Variants in PRDM6 observed in about 807,000 individuals in gnomAD.
PRDM6 encodes putative histone-lysine N-methyltransferase PRDM6.
A neutral mutation model predicts 60.8 loss-of-function variants in PRDM6; 25 were observed. The observed-to-expected ratio is 0.41, with a 90% confidence interval of 0.30 to 0.57. PRDM6 has a LOEUF of 0.57. Among genes scored for constraint, PRDM6 ranks in the 20% least tolerant of loss-of-function variants. PRDM6 has a pLI of 0.27. For synonymous variants in PRDM6, 407 were observed against 357.4 expected (o/e 1.14, Z -1.57); for missense variants, 839 against 821.3 (o/e 1.02, Z -0.26).
chr5:123,111,697 C>CA (rs1455675936), intron 3 of PRDM6, among the ~76,000 whole-genome samples: 250 of 77,366 alleles, frequency 3.2e-3, no homozygotes, highest in Non-Finnish European at 5.4e-3. Context: ...GAAAACAAAA[C>CA]AAAACAAAAC....
intron 2 of PRDM6, among the ~76,000 whole-genome samples, chr5:123,091,323 C>T (rs2150204035): frequency 6.6e-6 from 1 of 152,330 alleles, no homozygotes; most frequent in Non-Finnish European, 1.5e-5. Context: ...GCTTTATCCG[C>T]GCACCTTTGA....
At chr5:123,122,382 A>G (rs1343982890) in intron 3 of PRDM6, among the ~76,000 whole-genome samples, 1 of 152,092 alleles carries the variant, frequency 6.6e-6, no homozygotes, top group Non-Finnish European at 1.5e-5. Context: ...AAATATAATT[A>G]CCATCTAGTT....
At chr5:123,180,831 A>G (rs1359131791) in intron 7 of PRDM6, among the ~76,000 whole-genome samples, 1 of 152,210 alleles carries the variant, frequency 6.6e-6, no homozygotes, top group African/African-American at 2.4e-5. Context: ...CTATTATAGC[A>G]GCCAACTTGT....
intron 3 of PRDM6, among the ~76,000 whole-genome samples, chr5:123,105,807 A>G (rs1206360338): frequency 6.6e-6 from 1 of 152,270 alleles, no homozygotes; most frequent in Non-Finnish European, 1.5e-5. Flanking sequence ...CATAAAAGTC[A>G]GAGAAGCCAG....
intron 3 of PRDM6, among the ~76,000 whole-genome samples, chr5:123,107,316 A>G (rs774671833): frequency 3.9e-5 from 6 of 152,244 alleles, no homozygotes; most frequent in East Asian, 1.9e-4. Context: ...TCCAACAGAT[A>G]TATTGTGGAA....
In PRDM6 at chr5:123,188,656, C is replaced by G. The variant is rs949727213; in HGVS notation, c.*1455C>G. 6.6e-6 allele frequency: 1 copy of G among 152,174 alleles called. No individual in the cohort carries two copies. Among genetic ancestry groups the G allele is most frequent in the Non-Finnish European group, 1.5e-5 (1 of 68,034 alleles). The allele number at this position is 152,174 out of a possible 1,614,324, so 9.4% of individuals were successfully genotyped here. Reference sequence around the variant, plus strand: ...TTCATCATCACCTGATATCAGGACACAGTCTTTTAAGGAACTCCTTGTCTT... The same window carrying G: ...TTCATCATCACCTGATATCAGGACAGAGTCTTTTAAGGAACTCCTTGTCTT... On this transcript the variant is annotated 3_prime_UTR_variant, in exon 8 of 8. Transcript: ENST00000407847.
chr5:123,090,292 C>T lies in PRDM6; in HGVS notation c.278C>T (p.Ala93Val). ...TCCTCTTCCACCTCCGCCTCCTCCG[C>T]CTCCTCCTGCGCTGCTGCGGCCGCT... ...PASSSTSASSASSCAAAAAAA... is the reference protein window; with the variant it reads ...PASSSTSASSVSSCAAAAAAA... Residue 93 changes from alanine (A) to valine (V), a missense_variant, in exon 2 of 8, where the codon GCC becomes GTC. Transcript: ENST00000407847. 1 of 1,490,706 alleles carries T rather than the reference C, an allele frequency of 6.7e-7. No individual in the cohort carries two copies. Among genetic ancestry groups the T allele is most frequent in the Non-Finnish European group, 8.9e-7 (1 of 1,121,912 alleles). 92.3% of individuals were successfully genotyped at this position (1,490,706 alleles called of 1,614,324 possible).
intron 3 of PRDM6, among the ~76,000 whole-genome samples, chr5:123,153,104 T>C (rs571281610): frequency 6.6e-5 from 10 of 152,084 alleles, no homozygotes; most frequent in Non-Finnish European, 1.5e-5. Context: ...TATAGTGATA[T>C]GTATTACAAA....
chr5:123,140,810 A>G (rs568970336), intron 3 of PRDM6, among the ~76,000 whole-genome samples: 1 of 152,132 alleles, frequency 6.6e-6, no homozygotes, highest in Non-Finnish European at 1.5e-5. Flanking sequence ...ACTCTTGCTG[A>G]GACTTAGGCT....
chr5:123,155,808 A>C, intron 3 of PRDM6, 76 bp from the exon 4 acceptor site: 1 of 1,496,366 alleles, frequency 6.7e-7, no homozygotes. Flanking sequence ...CTGACACATA[A>C]AGACACCAAG....
Position 123,191,361 on chromosome 5 carries a change from C to A in PRDM6, c.*4160C>A, listed in dbSNP as rs1457003062. On this transcript the variant is annotated 3_prime_UTR_variant, in exon 8 of 8. Coordinates refer to ENST00000407847, the MANE Select transcript of PRDM6 (RefSeq NM_001136239.4). ...TTCCAGAACAGCAGGGTTAACGGGT[C>A]CCTCTGAGTGTACCCAGCAGCCTGC... The A allele has an allele frequency of 6.6e-6, 1 of 152,150 alleles. No individual in the cohort carries two copies. The highest frequency in any genetic ancestry group is 1.5e-5 in the Non-Finnish European group (1 of 68,038). 9.4% of individuals were successfully genotyped at this position (152,150 alleles called of 1,614,324 possible). A position where few individuals can be genotyped will look rare whatever the true frequency, so the allele number is the denominator to read the frequency against.
At chr5:123,148,319 C>T (rs551846208) in intron 3 of PRDM6, among the ~76,000 whole-genome samples, 2 of 152,230 alleles carry the variant, frequency 1.3e-5, no homozygotes, top group African/African-American at 4.8e-5. Context: ...GTATTTATTA[C>T]TTGACCTTTG....
At chr5:123,143,099 C>T (rs1561848804) in intron 3 of PRDM6, among the ~76,000 whole-genome samples, 1 of 151,110 alleles carries the variant, frequency 6.6e-6, no homozygotes, top group Non-Finnish European at 1.5e-5. Flanking sequence ...TTTCTCCAGT[C>T]AGTACTATCC....
intron 2 of PRDM6, among the ~76,000 whole-genome samples, chr5:123,092,226 A>T (rs1006208323): frequency 2.0e-5 from 3 of 152,236 alleles, no homozygotes; most frequent in Non-Finnish European, 4.4e-5. Context: ...AATTTCTTGA[A>T]TGTGTGTTTT....
chr5:123,171,202 C>T (rs574987839), intron 6 of PRDM6, 94 bp downstream of exon 6: 1 of 1,030,308 alleles, frequency 9.7e-7, no homozygotes, highest in African/African-American at 1.6e-5. Flanking sequence ...CAGGGGAAGC[C>T]CTGTGATTTG....
chr5:123,117,960 G>A lies in PRDM6; in HGVS notation c.900+17999G>A, dbSNP rs147164349. On this transcript the variant is annotated intron_variant, in intron 3 of 7. Transcript: ENST00000407847. Reference sequence around the variant, plus strand: ...TCTCAATGTGCCAGGCACTTTAAAGGGTTGTCTGAAGATAGCATTGTCTTA... The same window carrying A: ...TCTCAATGTGCCAGGCACTTTAAAGAGTTGTCTGAAGATAGCATTGTCTTA... Among the ~76,000 whole-genome samples the A allele has an allele frequency of 1.8e-3, 273 of 152,310 alleles. 1 individual carries two copies. Among genetic ancestry groups the A allele is most frequent in the African/African-American group, 6.2e-3 (257 of 41,576 alleles).
chr5:123,091,595 T>C, intron 2 of PRDM6, among the ~76,000 whole-genome samples: 1 of 152,242 alleles, frequency 6.6e-6, no homozygotes, highest in East Asian at 1.9e-4. Flanking sequence ...CTGCTTCTTT[T>C]TGATAATTTC....
In PRDM6 at chr5:123,164,292, C is replaced by T. The variant is rs985545842; in HGVS notation, c.1153+4654C>T. 2.6e-5 allele frequency among the ~76,000 whole-genome samples: 4 copies of T among 152,182 alleles called. No homozygotes were observed. In the East Asian group the frequency reaches 7.7e-4, roughly 29 times the overall value. On this transcript the variant is annotated intron_variant, in intron 5 of 7. Transcript: ENST00000407847. ...TGGGAGAAGTCAAGGTTCCAGGCCT[C>T]TTGTGTACAGTGCAAAGCTGGGGTT...
intron 3 of PRDM6, among the ~76,000 whole-genome samples, chr5:123,109,604 A>G (rs570844369): frequency 2.4e-4 from 36 of 152,354 alleles, no homozygotes; most frequent in Admixed American, 2.0e-3. Context: ...ATAAAAAACA[A>G]TTATGTACTA....
Sources: gnomAD v4.1 joint callset for allele counts (sites outside exome capture counted in the v4.1 genomes callset) on GRCh38, gnomAD v4.1.1 for gene constraint, MANE v1.5 for transcripts, NCBI Gene and HGNC (gene_info 2026-07-23, HGNC 2026-07-21) for gene names.